DROSHA: variants seen among roughly 807,000 people sequenced by gnomAD.
DROSHA encodes ribonuclease 3.
In DROSHA, 56 loss-of-function variants were observed where a neutral mutation model predicts 181.9. The ratio of observed to expected loss-of-function variants is 0.31; its 90% CI spans 0.25 to 0.38. The LOEUF (loss-of-function observed/expected upper bound fraction) is 0.38. Among genes scored for constraint, DROSHA ranks in the 10% least tolerant of loss-of-function variants. The pLI, the probability that DROSHA is intolerant of heterozygous loss-of-function variation, is 1.00. For missense variants in DROSHA, 1,218 were observed against 1,743.5 expected, an observed-to-expected ratio of 0.70 and a Z score of 5.37; for synonymous variants, 524 against 591.2, an observed-to-expected ratio of 0.89 and a Z score of 1.65.
At chr5:31,434,179 A>G (rs190234036) in intron 25 of DROSHA, among the ~76,000 whole-genome samples, 26 of 152,352 alleles carry the variant, frequency 1.7e-4, no homozygotes, top group African/African-American at 5.3e-4. Flanking sequence ...ACAGCACCCA[A>G]TGGGTTATAT....
intron 13 of DROSHA, among the ~76,000 whole-genome samples, chr5:31,491,795 A>ATATT (rs1025794259): frequency 6.9e-4 from 104 of 151,756 alleles, no homozygotes; most frequent in African/African-American, 2.4e-3. Context: ...TTGCTTTTCT[A>ATATT]TATTTATTTA....
chr5:31,474,296 T>C (rs560151655), intron 16 of DROSHA, among the ~76,000 whole-genome samples: 57 of 152,360 alleles, frequency 3.7e-4, no homozygotes, highest in African/African-American at 1.0e-3. Context: ...TCATCAGTAA[T>C]AAGCTAACTT....
At chr5:31,440,447 T>C (rs1482523807) in intron 23 of DROSHA, among the ~76,000 whole-genome samples, 1 of 152,242 alleles carries the variant, frequency 6.6e-6, no homozygotes, top group Non-Finnish European at 1.5e-5. Context: ...TAAGCACAAC[T>C]GCTATCATTT....
intron 25 of DROSHA, 99 bp downstream of exon 25, chr5:31,435,666 A>C (rs1450301005): frequency 7.6e-6 from 8 of 1,053,278 alleles, no homozygotes; most frequent in Admixed American, 2.3e-5. Flanking sequence ...AACACTCCTA[A>C]TATATCCTAA....
chr5:31,446,991 G>C (rs1380934881), intron 23 of DROSHA, among the ~76,000 whole-genome samples: 1 of 152,064 alleles, frequency 6.6e-6, no homozygotes, highest in East Asian at 1.9e-4. Flanking sequence ...AGTGAGCTGA[G>C]ATCATGCCAC....
chr5:31,407,858 C>A (rs1169323974), intron 33 of DROSHA, among the ~76,000 whole-genome samples: 1 of 152,090 alleles, frequency 6.6e-6, no homozygotes. Flanking sequence ...ATTTATTGAA[C>A]CTTAATTATC....
intron 23 of DROSHA, among the ~76,000 whole-genome samples, chr5:31,448,015 C>G (rs1746514411): frequency 6.6e-6 from 1 of 152,126 alleles, no homozygotes; most frequent in Non-Finnish European, 1.5e-5. Context: ...TATACCCAAG[C>G]AAAATCAAAA....
intron 16 of DROSHA, among the ~76,000 whole-genome samples, chr5:31,473,907 CG>C (rs1261248128): frequency 6.6e-6 from 1 of 152,136 alleles, no homozygotes; most frequent in Non-Finnish European, 1.5e-5. Flanking sequence ...AAAGCTTTAC[CG>C]CTCATTAAGA....
intron 6 of DROSHA, among the ~76,000 whole-genome samples, chr5:31,519,505 T>C (rs1739634866): frequency 6.6e-6 from 1 of 152,158 alleles, no homozygotes; most frequent in South Asian, 2.1e-4. Flanking sequence ...ACCAGTACAA[T>C]ACCCGGGACA....
chr5:31,441,853 T>C (rs1745633287), intron 23 of DROSHA, among the ~76,000 whole-genome samples: 1 of 152,218 alleles, frequency 6.6e-6, no homozygotes, highest in Non-Finnish European at 1.5e-5. Flanking sequence ...TTCTTCCTAA[T>C]AGTGCAAAGT....
At chr5:31,460,482 C>A (rs1748279956) in intron 20 of DROSHA, among the ~76,000 whole-genome samples, 1 of 152,120 alleles carries the variant, frequency 6.6e-6, no homozygotes, top group Non-Finnish European at 1.5e-5. Context: ...TCAGATTTAA[C>A]GCAATGGTTT....
intron 16 of DROSHA, among the ~76,000 whole-genome samples, chr5:31,481,583 C>T (rs1751040376): frequency 6.6e-6 from 1 of 152,166 alleles, no homozygotes; most frequent in Admixed American, 6.5e-5. Context: ...GAAGAAACGG[C>T]ATCTCAATAA....
chr5:31,516,015 G>A (rs1250552381), intron 6 of DROSHA, among the ~76,000 whole-genome samples: 1 of 152,182 alleles, frequency 6.6e-6, no homozygotes, highest in Non-Finnish European at 1.5e-5. Context: ...CAGCACTTTG[G>A]AAGGCCGAGG....
intron 12 of DROSHA, among the ~76,000 whole-genome samples, chr5:31,494,916 T>C (rs10073839): frequency 0.41 from 61,494 of 151,702 alleles, 13,324 homozygotes; most frequent in East Asian, 0.59. Context: ...CCTTGTGATC[T>C]GCCCACCTCG....
Position 31,460,651 on chromosome 5 carries a change from C to A in DROSHA, c.2574+3585G>T, listed in dbSNP as rs574323149. ...AATCCTTTCTTGTAAAAATTATGAG[C>A]CTATCTGTTCAAAGACTTTGAATAA... On this transcript the variant is annotated intron_variant, in intron 20 of 35. Coordinates refer to ENST00000344624, the MANE Select transcript of DROSHA (RefSeq NM_001382508.1). Among the ~76,000 whole-genome samples the A allele has an allele frequency of 5.9e-5, 9 of 152,154 alleles. No homozygotes were observed. In the East Asian group the frequency reaches 1.7e-3, roughly 29 times the overall value.
At chr5:31,457,417 G>A (rs1035735591) in intron 20 of DROSHA, among the ~76,000 whole-genome samples, 10 of 152,014 alleles carry the variant, frequency 6.6e-5, no homozygotes, top group Non-Finnish European at 1.2e-4. Context: ...GAGCCACTGC[G>A]TGCGTAGCCA....
At position 31,441,352 on chromosome 5, in the gene DROSHA, G is replaced by A. The variant is rs117690995; in HGVS notation, c.2883-4054C>T. Among the ~76,000 whole-genome samples the A allele has an allele frequency of 3.9e-5, 6 of 152,166 alleles. No homozygotes were observed. The East Asian group carries it at 5.8e-4, about 15-fold the overall frequency. The stretch of plus-strand genomic sequence containing the variant: ...CTTGAGCCTGGGAGGTCAAAGCTGC[G>A]GTGAGTTATGATTGTACCATTGCAC... On this transcript the variant is annotated intron_variant, in intron 23 of 35. Coordinates refer to ENST00000344624, the MANE Select transcript of DROSHA (RefSeq NM_001382508.1).
In DROSHA at chr5:31,515,002, G is replaced by T; in HGVS notation, c.1276C>A (p.Pro426Thr). Residue 426 changes from proline to threonine, a missense_variant, in exon 8 of 36, where the codon CCC becomes ACC. Pro to Thr is a conservative substitution (Grantham distance 38). This residue lies in a region of DROSHA where 460 missense variants were observed against 774.2 expected (regional missense o/e 0.59). Coordinates refer to ENST00000344624, the MANE Select transcript of DROSHA (RefSeq NM_001382508.1). The part of the protein sequence containing the change: ...THSENYYSSD[P>T]MDQVGDSTVV... Reference sequence around the variant, plus strand: ...TTCAGACCTACCACCTGATCCATGGGGTCACTGGAGTAGTAGTTTTCTGAA... The same window carrying T: ...TTCAGACCTACCACCTGATCCATGGTGTCACTGGAGTAGTAGTTTTCTGAA... The T allele has an allele frequency of 6.2e-7, 1 of 1,613,824 alleles. No homozygotes were observed.
rs16901243 is a variant in DROSHA, at chr5:31,514,124, T to C, written c.1290+864A>G. 0.019 allele frequency among the ~76,000 whole-genome samples: 2,894 copies of C among 152,206 alleles called. 131 individuals are homozygous for C. Among genetic ancestry groups the C allele is most frequent in the East Asian group, 0.18 (914 of 5,162 alleles). The stretch of plus-strand genomic sequence containing the variant: ...CAATGGCTCTCCCTTTCTGCAAAAC[T>C]AGCCAATATGCATGGGCAACTTCGT... On this transcript the variant is annotated intron_variant, in intron 8 of 35. Coordinates refer to ENST00000344624, the MANE Select transcript of DROSHA (RefSeq NM_001382508.1). The surrounding 1 kb of genome is among the most constrained non-coding windows in gnomAD (Gnocchi z 4.4).
Sources: gnomAD v4.1 joint callset for allele counts (sites outside exome capture counted in the v4.1 genomes callset) on GRCh38, gnomAD v4.1.1 for gene constraint, gnomAD v4.1.1 regional missense constraint, Gnocchi (gnomAD v3.1) non-coding constraint, MANE v1.5 for transcripts, NCBI Gene and HGNC (gene_info 2026-07-23, HGNC 2026-07-21) for gene names.